The following MAP4 variants were observed in gnomAD, a reference collection of about 807,000 sequenced individuals.
MAP4 encodes microtubule-associated protein 4.
A neutral mutation model predicts 170.2 loss-of-function variants in MAP4; 76 were observed. The observed-to-expected ratio is 0.45, with a 90% CI of 0.37 to 0.54. The LOEUF is 0.54. MAP4 is among the 20% of genes least tolerant of loss of function. The pLI, the probability that MAP4 is intolerant of heterozygous loss-of-function variation, is 0.00. For synonymous variants in MAP4, 909 were observed against 994.5 expected (o/e 0.91, Z 1.62); for missense variants, 2,506 against 2,748.0 (o/e 0.91, Z 1.97).
intron 1 of MAP4, among the ~76,000 whole-genome samples, chr3:48,044,467 T>C (rs2100123335): frequency 6.6e-6 from 1 of 151,246 alleles, no homozygotes; most frequent in Admixed American, 6.6e-5. Context: ...CACTCTGTAA[T>C]TTTTAAAAAA....
chr3:48,082,881 T>A (rs982681647), intron 1 of MAP4, among the ~76,000 whole-genome samples: 5 of 150,926 alleles, frequency 3.3e-5, no homozygotes, highest in African/African-American at 1.2e-4. Context: ...ACAAGAAGGG[T>A]AAACCATCTC....
chr3:48,084,400 A>G (rs925223646), intron 1 of MAP4, among the ~76,000 whole-genome samples: 1 of 151,656 alleles, frequency 6.6e-6, no homozygotes, highest in African/African-American at 2.4e-5. Flanking sequence ...AAAAAAAAAA[A>G]AAAAGGAAAA....
At chr3:47,943,410 A>G (rs967730542) in intron 3 of MAP4, among the ~76,000 whole-genome samples, 1 of 152,106 alleles carries the variant, frequency 6.6e-6, no homozygotes, top group Non-Finnish European at 1.5e-5. Context: ...TCAAGAGTTC[A>G]AGACCAGTCT....
chr3:47,895,631 C>G (rs2100026431), intron 10 of MAP4, among the ~76,000 whole-genome samples: 1 of 152,186 alleles, frequency 6.6e-6, no homozygotes, highest in South Asian at 2.1e-4. Flanking sequence ...TCCTTATAGC[C>G]AAATTATTTT....
intron 1 of MAP4, among the ~76,000 whole-genome samples, chr3:48,044,014 G>A (rs1488542711): frequency 6.8e-6 from 1 of 147,900 alleles, no homozygotes; most frequent in South Asian, 2.2e-4. Context: ...CCCAGCTAAT[G>A]TTTGTATTTT....
chr3:48,028,646 G>A (rs755981079), intron 1 of MAP4, among the ~76,000 whole-genome samples: 9 of 151,358 alleles, frequency 5.9e-5, no homozygotes, highest in Non-Finnish European at 1.0e-4. Context: ...GGTGGCCGGC[G>A]CCTGTAGTCC....
rs2100035943 is a variant in MAP4 at position 47,911,519 on chromosome 3, C to T, written c.2902G>A (p.Glu968Lys). 6.5e-7 allele frequency: 1 copy of T among 1,535,800 alleles called. No individual in the cohort carries two copies. The highest frequency in any genetic ancestry group is 8.7e-7 in the Non-Finnish European group (1 of 1,146,842). Reference sequence around the variant, plus strand: ...AAAGTGGGTACCAAATTTGGTATTTCTTTTGCTGCTGTGGGTTTTGAAACT... The same window carrying T: ...AAAGTGGGTACCAAATTTGGTATTTTTTTTGCTGCTGTGGGTTTTGAAACT... ...GVVSKPTAAKEIPNLVPTLIA... is the reference protein window; with the variant it reads ...GVVSKPTAAKKIPNLVPTLIA... Residue 968 changes from glutamate (E) to lysine (K), a missense_variant, in exon 9 of 21, where the codon GAA (glutamate) becomes AAA (lysine). Coordinates refer to ENST00000683076, the MANE Select transcript of MAP4 (RefSeq NM_001385682.1). The surrounding 1 kb of genome is among the most constrained non-coding windows in gnomAD (Gnocchi z 4.0).
At chr3:47,928,464 T>C in intron 3 of MAP4, 114 bp from the exon 4 acceptor site, 1 of 1,091,550 alleles carries the variant, frequency 9.2e-7, no homozygotes. Context: ...CCTATCTAGC[T>C]AGTGTCTTAC....
chr3:47,853,756 C>A (rs1353296172), intron 19 of MAP4, among the ~76,000 whole-genome samples: 3 of 152,176 alleles, frequency 2.0e-5, no homozygotes, highest in African/African-American at 7.2e-5. Flanking sequence ...ACCCAGGCCA[C>A]CCCCTGCACA....
intron 1 of MAP4, among the ~76,000 whole-genome samples, chr3:48,084,574 CCT>C (rs1004990421): frequency 6.6e-6 from 1 of 151,034 alleles, no homozygotes; most frequent in Non-Finnish European, 1.5e-5. Flanking sequence ...CTTTATTACC[CCT>C]TTTTTTTTTT....
chr3:47,951,374 T>C (rs1559571660), intron 3 of MAP4, among the ~76,000 whole-genome samples: 1 of 152,052 alleles, frequency 6.6e-6, no homozygotes, highest in Non-Finnish European at 1.5e-5. Flanking sequence ...TCTCCCTCTC[T>C]TTCCACGGTC....
At position 47,910,030 on chromosome 3, in the gene MAP4, T is replaced by G. The variant is rs568997096; in HGVS notation, c.4391A>C (p.Asn1464Thr). Reference protein sequence around the residue: ...GDSFPDTLAKNGQEIAPAQIS... With the variant: ...GDSFPDTLAKTGQEIAPAQIS... ...CTGGGCTGGGGCTATCTCTTGCCCA[T>G]TTTTTGCCAAGGTATCTGGAAAGGA... The change falls in exon 9 of 21, where the codon AAT becomes ACT. Residue 1464 changes from asparagine (N) to threonine (T), a missense_variant. Physicochemically the swap from Asn to Thr is moderately conservative, Grantham distance 65. Around this residue, in one of 3 missense-constraint regions of MAP4, gnomAD observed 2,008 missense variants for 2,206.0 expected, o/e 0.91. Transcript: ENST00000683076. The G allele has an allele frequency of 2.5e-6, 4 of 1,613,962 alleles. No individual in the cohort carries two copies. In the East Asian group the frequency reaches 8.9e-5, roughly 36 times the overall value.
At chr3:47,858,117 G>A (rs2059655450) in intron 17 of MAP4, among the ~76,000 whole-genome samples, 1 of 149,650 alleles carries the variant, frequency 6.7e-6, no homozygotes, top group Non-Finnish European at 1.5e-5. Context: ...GGGTTCAAGT[G>A]ATTCTTCTGC....
chr3:48,052,874 T>G (rs138919072), intron 1 of MAP4, among the ~76,000 whole-genome samples: 24 of 152,190 alleles, frequency 1.6e-4, no homozygotes, highest in African/African-American at 5.5e-4. Context: ...CTTGGAAAAA[T>G]ATGGAAACTG....
rs112833339 is a variant in MAP4 at position 48,024,959 on chromosome 3, C to CT, written c.-19-26081dup. On this transcript the variant is annotated intron_variant, in intron 1 of 18. Transcript: ENST00000360240. ...AAAGGCAGTGCAATCATTTCTTTTTCTTTTTTTTTTTGAAGCAGGGTCTCA... is the reference window on the plus strand; with the variant it reads ...AAAGGCAGTGCAATCATTTCTTTTTCTTTTTTTTTTTTGAAGCAGGGTCTCA... Among the ~76,000 whole-genome samples the CT allele has an allele frequency of 6.3e-3, 914 of 145,632 alleles. 9 individuals carry two copies. The highest frequency in any genetic ancestry group is 0.016 in the African/African-American group (613 of 39,514).
chr3:47,937,627 T>C (rs2100053712), intron 3 of MAP4, among the ~76,000 whole-genome samples: 2 of 151,554 alleles, frequency 1.3e-5, no homozygotes, highest in African/African-American at 4.8e-5. Context: ...TTTGGCTACC[T>C]TCAAGAACAG....
At chr3:47,890,477 A>T (rs2098360419) in intron 10 of MAP4, among the ~76,000 whole-genome samples, 1 of 152,232 alleles carries the variant, frequency 6.6e-6, no homozygotes, top group Non-Finnish European at 1.5e-5. Context: ...CAGTTTGAAC[A>T]AAAGTAAAAC....
At chr3:47,974,956 A>G in intron 3 of MAP4, 1 of 986,382 alleles carries the variant, frequency 1.0e-6, no homozygotes, top group Non-Finnish European at 1.2e-6. Context: ...TCAGAGAAGG[A>G]AGGAGGAGGG....
At chr3:47,983,031 G>C (rs2100086320) in intron 2 of MAP4, among the ~76,000 whole-genome samples, 1 of 152,034 alleles carries the variant, frequency 6.6e-6, no homozygotes, top group South Asian at 2.1e-4. Flanking sequence ...CCAAGTAGCT[G>C]GTAGCTGGGA....
Sources: allele counts gnomAD v4.1 joint callset (sites outside exome capture counted in the v4.1 genomes callset), GRCh38; gene constraint gnomAD v4.1.1; regional missense constraint gnomAD v4.1.1; non-coding constraint Gnocchi (gnomAD v3.1); transcripts MANE v1.5; gene names NCBI Gene and HGNC (gene_info 2026-07-23, HGNC 2026-07-21).